Variants in C2orf66 observed in about 807,000 individuals in gnomAD.
C2orf66 encodes the protein uncharacterized protein C2orf66.
In C2orf66, 6 loss-of-function variants were observed where a neutral mutation model predicts 7.0. The ratio of observed to expected loss-of-function variants is 0.86; its 90% CI spans 0.47 to 1.69. C2orf66 has a LOEUF of 1.69. Ranked by LOEUF, C2orf66 falls within the 40% of genes most tolerant of loss-of-function variation. C2orf66 has a pLI of 0.01. For synonymous variants in C2orf66, 38 were observed against 43.8 expected, an observed-to-expected ratio of 0.87 and a Z score of 0.52; for missense variants, 107 against 112.0, an observed-to-expected ratio of 0.96 and a Z score of 0.20.
chr2:196,808,406 C>G (rs1434282494), intron 1 of C2orf66, among the ~76,000 whole-genome samples: 1 of 152,136 alleles, frequency 6.6e-6, no homozygotes, highest in Non-Finnish European at 1.5e-5. Context: ...ATTGCCATGA[C>G]ATTTGTAAAC....
rs948898738 is a variant in C2orf66 at position 196,805,206 on chromosome 2, T to C, written c.*222A>G. The C allele has an allele frequency of 2.6e-5, 4 of 152,130 alleles. No homozygotes were observed. In the South Asian group the frequency reaches 8.3e-4, roughly 32 times the overall value. 9.4% of individuals were successfully genotyped at this position (152,130 alleles called of 1,614,324 possible). A position where few individuals can be genotyped will look rare whatever the true frequency, so the allele number is the denominator to read the frequency against. ...CGGTGCTCTACATCAATATTTATGGTTTCATAGGAAAAAAACTCCATAAAT... is the reference window on the plus strand; with the variant it reads ...CGGTGCTCTACATCAATATTTATGGCTTCATAGGAAAAAAACTCCATAAAT... On this transcript the variant is annotated 3_prime_UTR_variant, in exon 3 of 3. Coordinates refer to ENST00000342506, the MANE Select transcript of C2orf66 (RefSeq NM_213608.3).
intron 1 of C2orf66, among the ~76,000 whole-genome samples, chr2:196,808,605 T>C (rs1485256871): frequency 1.3e-5 from 2 of 152,350 alleles, no homozygotes; most frequent in East Asian, 3.9e-4. Context: ...ATTTTAATCC[T>C]ATGTTGTTAT....
chr2:196,822,435 G>A, the C2orf66 span, among the ~76,000 whole-genome samples: 2 of 152,136 alleles, frequency 1.3e-5, no homozygotes, highest in African/African-American at 2.4e-5. Context: ...AAAAATACAT[G>A]AGAAATCTCA....
At chr2:196,812,162 G>A (rs1186507774), upstream of C2orf66, among the ~76,000 whole-genome samples, 6 of 152,192 alleles carry the variant, frequency 3.9e-5, no homozygotes, top group East Asian at 1.9e-4. Flanking sequence ...AAATGTCAAC[G>A]GTTAGGTGAG....
the C2orf66 span, among the ~76,000 whole-genome samples, chr2:196,830,393 A>G: frequency 4.1e-3 from 626 of 152,294 alleles, 5 homozygotes; most frequent in African/African-American, 0.014. Flanking sequence ...GTCCAAACCC[A>G]AAGAATGGAC....
At chr2:196,831,605 C>T in the C2orf66 span, among the ~76,000 whole-genome samples, 4 of 152,228 alleles carry the variant, frequency 2.6e-5, no homozygotes, top group East Asian at 7.7e-4. Flanking sequence ...CCTGTCCAAA[C>T]CCAAAGAATG....
At chr2:196,819,543 A>G in the C2orf66 span, among the ~76,000 whole-genome samples, 1 of 152,186 alleles carries the variant, frequency 6.6e-6, no homozygotes, top group East Asian at 1.9e-4. Context: ...CAAGCCACCC[A>G]GTCTATGGTA....
At chr2:196,831,465 G>A in the C2orf66 span, among the ~76,000 whole-genome samples, 2 of 152,084 alleles carry the variant, frequency 1.3e-5, no homozygotes, top group East Asian at 3.9e-4. Flanking sequence ...GCTTCTGTGG[G>A]GAGCCAGGAC....
At chr2:196,827,179 T>C in the C2orf66 span, among the ~76,000 whole-genome samples, 327 of 143,012 alleles carry the variant, frequency 2.3e-3, 2 homozygotes, top group African/African-American at 8.1e-3. Flanking sequence ...GCCAAGGCTG[T>C]AGTGAGCCAT....
chr2:196,817,436 C>T, the C2orf66 span, among the ~76,000 whole-genome samples: 4 of 151,926 alleles, frequency 2.6e-5, no homozygotes, highest in East Asian at 1.9e-4. Context: ...AGGGTTTCAC[C>T]GTGTTAGCCA....
the C2orf66 span, among the ~76,000 whole-genome samples, chr2:196,828,673 C>G: frequency 1.3e-5 from 2 of 152,280 alleles, no homozygotes; most frequent in East Asian, 3.9e-4. Flanking sequence ...CCCTCTAAAT[C>G]TGGGTCTAAA....
chr2:196,829,039 C>A, the C2orf66 span, among the ~76,000 whole-genome samples: 19 of 152,182 alleles, frequency 1.2e-4, no homozygotes, highest in African/African-American at 4.3e-4. Context: ...TGTTATGCAG[C>A]AATTAACATA....
chr2:196,819,924 T>G, the C2orf66 span, among the ~76,000 whole-genome samples: 3 of 152,218 alleles, frequency 2.0e-5, no homozygotes. Context: ...AATAGACCAG[T>G]AAAGTGTAAA....
chr2:196,807,443 T>A lies in C2orf66; in HGVS notation c.303A>T (p.Ter101CysextTer12). The A allele has an allele frequency of 6.2e-7, 1 of 1,605,850 alleles. No homozygotes were observed. Among genetic ancestry groups the A allele is most frequent in the Non-Finnish European group, 8.5e-7 (1 of 1,177,792 alleles). Reference sequence around the variant, plus strand: ...TTTTACCTGAGCTCAGAAGAAACTTTCAGCCTTTGAGATAATTGTGAAAGG... The same window carrying A: ...TTTTACCTGAGCTCAGAAGAAACTTACAGCCTTTGAGATAATTGTGAAAGG... ...KNSFHNYLKG[*>C] The change falls in exon 2 of 3, where the codon TGA becomes TGT. Residue 101 changes from the stop codon to cysteine, a stop_lost. Coordinates refer to ENST00000342506, the MANE Select transcript of C2orf66 (RefSeq NM_213608.3).
chr2:196,807,370 T>C, intron 2 of C2orf66, 54 bp downstream of exon 2: 1 of 1,042,174 alleles, frequency 9.6e-7, no homozygotes, highest in Non-Finnish European at 1.4e-6. Context: ...AAATATCTAC[T>C]TTATGGCTGA....
the C2orf66 span, among the ~76,000 whole-genome samples, chr2:196,814,746 C>A: frequency 6.6e-6 from 1 of 152,072 alleles, no homozygotes; most frequent in Non-Finnish European, 1.5e-5. Context: ...ATTTTCATAG[C>A]CATTTATCTA....
the C2orf66 span, among the ~76,000 whole-genome samples, chr2:196,818,321 T>C: frequency 2.0e-5 from 3 of 152,184 alleles, no homozygotes; most frequent in Admixed American, 1.3e-4. Flanking sequence ...CAAGCAAGGT[T>C]GCCATGCTTC....
rs1003266018 is a variant in C2orf66, at chr2:196,804,531, G to C, written c.*897C>G. Among the ~76,000 whole-genome samples, 1 of 152,176 alleles carries C rather than the reference G, an allele frequency of 6.6e-6. No homozygotes were observed. The highest frequency in any genetic ancestry group is 1.5e-5 in the Non-Finnish European group (1 of 68,034). ...AATGTTAGGACAATGTTGCATTTTA[G>C]TGCAACATTCCTTTTGCAGGAATCA... is the stretch of plus-strand genomic sequence containing the variant. On this transcript the variant is annotated 3_prime_UTR_variant, in exon 3 of 3. Transcript: ENST00000342506.
chr2:196,817,854 G>A, the C2orf66 span, among the ~76,000 whole-genome samples: 21 of 151,972 alleles, frequency 1.4e-4, no homozygotes, highest in South Asian at 1.0e-3. Flanking sequence ...AATATGGCTC[G>A]TTTTGCCCAA....
Sources: gnomAD v4.1 joint callset for allele counts (sites outside exome capture counted in the v4.1 genomes callset) on GRCh38, gnomAD v4.1.1 for gene constraint, MANE v1.5 for transcripts, NCBI Gene and HGNC (gene_info 2026-07-23, HGNC 2026-07-21) for gene names.